Variants in LINGO2 observed in about 807,000 individuals in gnomAD.
LINGO2 encodes leucine-rich repeat and immunoglobulin-like domain-containing nogo receptor-interacting protein 2.
LINGO2 carries 14 observed loss-of-function variants against 30.6 expected under a neutral mutation model. That is an observed-to-expected ratio of 0.46 (90% CI 0.30 to 0.72). LINGO2 has a LOEUF of 0.72. Among genes scored for constraint, LINGO2 ranks in the 30% least tolerant of loss-of-function variants. The pLI is 0.07. For missense variants in LINGO2, 729 were observed against 751.7 expected (o/e 0.97, Z 0.35); for synonymous variants, 317 against 288.5 (o/e 1.10, Z -1.00).
the LINGO2 span, among the ~76,000 whole-genome samples, chr9:29,130,891 G>T: frequency 1.3e-5 from 2 of 151,978 alleles, no homozygotes; most frequent in African/African-American, 4.8e-5. Flanking sequence ...ATCTTTCCAG[G>T]GTCAAGCCTG....
At chr9:28,912,465 T>A in the LINGO2 span, among the ~76,000 whole-genome samples, 2 of 152,144 alleles carry the variant, frequency 1.3e-5, no homozygotes, top group African/African-American at 4.8e-5. Flanking sequence ...TCTGTATTAT[T>A]ATGGAGAATC....
At chr9:27,989,443 CTCTGTGTGTGTG>C (rs1257377137) in intron 5 of LINGO2, among the ~76,000 whole-genome samples, 3 of 125,738 alleles carry the variant, frequency 2.4e-5, no homozygotes, top group Non-Finnish European at 5.0e-5. Flanking sequence ...AGTGAATGCT[CTCTGTGTGTGTG>C]TGTGTGTGTG....
intron 1 of LINGO2, among the ~76,000 whole-genome samples, chr9:28,556,305 A>G (rs1822687390): frequency 6.6e-6 from 1 of 152,104 alleles, no homozygotes; most frequent in South Asian, 2.1e-4. Context: ...AAGTCTCAGG[A>G]TACAAAATCA....
At chr9:28,169,726 A>G (rs1828529591) in intron 4 of LINGO2, among the ~76,000 whole-genome samples, 1 of 152,232 alleles carries the variant, frequency 6.6e-6, no homozygotes, top group Admixed American at 6.5e-5. Flanking sequence ...CATGGGAGCC[A>G]GAATTGAGAA....
At chr9:28,348,975 C>A (rs1465814678) in intron 3 of LINGO2, among the ~76,000 whole-genome samples, 2 of 150,550 alleles carry the variant, frequency 1.3e-5, no homozygotes, top group Non-Finnish European at 3.0e-5. Flanking sequence ...ACAGAAAGGA[C>A]ATCCACACCA....
chr9:28,222,373 T>C (rs533262088), intron 4 of LINGO2, among the ~76,000 whole-genome samples: 1 of 152,300 alleles, frequency 6.6e-6, no homozygotes, highest in South Asian at 2.1e-4. Flanking sequence ...AAGTCATAAA[T>C]CACAGCTTTT....
At chr9:28,377,201 C>A (rs933109188) in intron 2 of LINGO2, among the ~76,000 whole-genome samples, 1 of 152,104 alleles carries the variant, frequency 6.6e-6, no homozygotes, top group Admixed American at 6.6e-5. Flanking sequence ...CCTTCCACCT[C>A]CCCCACCTCT....
intron 1 of LINGO2, among the ~76,000 whole-genome samples, chr9:28,548,460 C>T (rs899942110): frequency 6.6e-6 from 1 of 151,888 alleles, no homozygotes; most frequent in Non-Finnish European, 1.5e-5. Flanking sequence ...AATCCCAGTA[C>T]TTTGGGAGGC....
the LINGO2 span, among the ~76,000 whole-genome samples, chr9:28,874,227 A>G: frequency 6.6e-6 from 1 of 152,074 alleles, no homozygotes; most frequent in Non-Finnish European, 1.5e-5. Context: ...TATTTGGACC[A>G]GTTCACAGAA....
At chr9:28,636,931 C>G (rs1006826360) in intron 1 of LINGO2, among the ~76,000 whole-genome samples, 1 of 152,102 alleles carries the variant, frequency 6.6e-6, no homozygotes, top group Non-Finnish European at 1.5e-5. Context: ...CTTAGGTTTT[C>G]TTCTAGGGTT....
chr9:28,046,073 T>C (rs1824408723), intron 4 of LINGO2, among the ~76,000 whole-genome samples: 1 of 152,192 alleles, frequency 6.6e-6, no homozygotes, highest in South Asian at 2.1e-4. Flanking sequence ...CCATCCGTTT[T>C]TGGGATACCT....
At chr9:27,965,434 A>T (rs772999317) in intron 5 of LINGO2, among the ~76,000 whole-genome samples, 42 of 151,746 alleles carry the variant, frequency 2.8e-4, no homozygotes, top group Non-Finnish European at 5.7e-4. Flanking sequence ...AAAAAAAAAA[A>T]ACCCACACAA....
chr9:28,352,028 A>T (rs927312144), intron 3 of LINGO2, among the ~76,000 whole-genome samples: 13 of 150,924 alleles, frequency 8.6e-5, no homozygotes, highest in African/African-American at 3.2e-4. Flanking sequence ...TCTATGACAA[A>T]CCCACAGCCA....
the LINGO2 span, among the ~76,000 whole-genome samples, chr9:28,736,972 TG>T: frequency 2.6e-5 from 4 of 152,160 alleles, no homozygotes; most frequent in Admixed American, 1.3e-4. Flanking sequence ...AAGGGGATCA[TG>T]CCCTCCTAAT....
At chr9:28,208,957 C>A (rs1342767223) in intron 4 of LINGO2, among the ~76,000 whole-genome samples, 5 of 151,980 alleles carry the variant, frequency 3.3e-5, no homozygotes, top group African/African-American at 9.6e-5. Context: ...TCTTCTTTGT[C>A]CTTTCTGGGT....
At chr9:28,322,431 C>T (rs1825077629) in intron 3 of LINGO2, among the ~76,000 whole-genome samples, 1 of 148,328 alleles carries the variant, frequency 6.7e-6, no homozygotes, top group Admixed American at 6.7e-5. Context: ...ACATAGTAGG[C>T]ACTCAGTACA....
chr9:28,993,243 T>C, the LINGO2 span, among the ~76,000 whole-genome samples: 3 of 151,860 alleles, frequency 2.0e-5, no homozygotes, highest in Admixed American at 6.6e-5. Context: ...AACACCTCTA[T>C]GCAAATAAAC....
rs186546599 is a variant in LINGO2 at position 28,437,016 on chromosome 9, G to A, written c.-279+38924C>T. Among the ~76,000 whole-genome samples, 151 of 152,208 alleles carry A rather than the reference G, an allele frequency of 9.9e-4. 1 individual carries two copies. Among genetic ancestry groups the A allele is most frequent in the African/African-American group, 3.5e-3 (147 of 41,530 alleles). On this transcript the variant is annotated intron_variant, in intron 2 of 5. Coordinates refer to ENST00000379992, the Ensembl canonical transcript of LINGO2. ...TGGGGTTCAAATACCTCAATGTGAT[G>A]GTTACTTATAGGTATCAACTTGACT...
the LINGO2 span, among the ~76,000 whole-genome samples, chr9:28,916,561 T>G: frequency 4.1e-4 from 62 of 152,296 alleles, no homozygotes; most frequent in African/African-American, 1.4e-3. Flanking sequence ...AGAAAATCTT[T>G]TAATCACCTG....
Sources: gnomAD v4.1 joint callset for allele counts (sites outside exome capture counted in the v4.1 genomes callset) on GRCh38, gnomAD v4.1.1 for gene constraint, MANE v1.5 for transcripts, NCBI Gene and HGNC (gene_info 2026-07-23, HGNC 2026-07-21) for gene names.